The following RABEP1 variants were observed in gnomAD, a reference collection of about 807,000 sequenced individuals.
RABEP1 encodes rabaptin, RAB GTPase binding effector protein 1.
RABEP1 carries 51 observed loss-of-function variants against 123.4 expected under a neutral mutation model. The observed-to-expected ratio is 0.41, with a 90% CI of 0.33 to 0.52. RABEP1 has a LOEUF of 0.52. Among genes scored for constraint, RABEP1 ranks in the 20% least tolerant of loss-of-function variants. RABEP1 has a pLI of 0.16. For synonymous variants in RABEP1, 347 were observed against 355.2 expected, an observed-to-expected ratio of 0.98 and a Z score of 0.26; for missense variants, 888 against 996.3, an observed-to-expected ratio of 0.89 and a Z score of 1.46.
At chr17:5,324,239 C>T (rs753396305) in intron 2 of RABEP1, among the ~76,000 whole-genome samples, 5 of 152,092 alleles carry the variant, frequency 3.3e-5, no homozygotes, top group South Asian at 2.1e-4. Flanking sequence ...AAAACTGACA[C>T]GTAGACTAAT....
chr17:5,368,260 A>T, intron 11 of RABEP1, 110 bp from the exon 12 acceptor site: 1 of 750,470 alleles, frequency 1.3e-6, no homozygotes. Flanking sequence ...AGTGGTTCCC[A>T]TGAACAAATA....
chr17:5,368,813 A>G (rs1910298677), intron 12 of RABEP1, among the ~76,000 whole-genome samples: 1 of 152,222 alleles, frequency 6.6e-6, no homozygotes, highest in African/African-American at 2.4e-5. Context: ...GCTTTTGACC[A>G]GTCATTTTGT....
intron 13 of RABEP1, among the ~76,000 whole-genome samples, chr17:5,373,838 C>T (rs1236244721): frequency 2.0e-5 from 3 of 152,108 alleles, no homozygotes. Flanking sequence ...TTTCCCTATT[C>T]TGGACTTTCC....
chr17:5,283,232 T>C (rs1166111867), intron 1 of RABEP1, among the ~76,000 whole-genome samples: 1 of 152,042 alleles, frequency 6.6e-6, no homozygotes, highest in African/African-American at 2.4e-5. Context: ...ATGGAGGTAT[T>C]AGGAATAATG....
At chr17:5,373,802 A>G (rs1382986480) in intron 13 of RABEP1, among the ~76,000 whole-genome samples, 1 of 151,812 alleles carries the variant, frequency 6.6e-6, no homozygotes, top group African/African-American at 2.4e-5. Flanking sequence ...GCCTTAAGCA[A>G]CTACTAACCT....
chr17:5,379,072 A>C (rs1032622408), intron 15 of RABEP1, among the ~76,000 whole-genome samples: 28 of 152,078 alleles, frequency 1.8e-4, no homozygotes, highest in African/African-American at 6.8e-4. Context: ...AGTGTTCCTC[A>C]TGCAGCCTTT....
In RABEP1 at chr17:5,362,819, A is replaced by G. The variant is rs141077372; in HGVS notation, c.1564-93A>G. 1.8e-5 allele frequency: 15 copies of G among 813,190 alleles called. No individual in the cohort carries two copies. The African/African-American group carries it at 1.9e-4, about 10-fold the overall frequency. 50.4% of individuals were successfully genotyped at this position (813,190 alleles called of 1,614,324 possible). ...GAAGAAAGTGTTTACTGCATGTTCT[A>G]CTGACTACCATTGGTAAGACTATGC... On this transcript the variant is annotated intron_variant, in intron 9 of 17. Coordinates refer to ENST00000537505, the MANE Select transcript of RABEP1 (RefSeq NM_004703.6).
chr17:5,322,228 C>G (rs1406915865), intron 2 of RABEP1, among the ~76,000 whole-genome samples: 1 of 151,768 alleles, frequency 6.6e-6, no homozygotes, highest in Non-Finnish European at 1.5e-5. Context: ...CATGGTGGTA[C>G]ATGCTTGTAG....
At chr17:5,326,841 C>T (rs970453145) in intron 2 of RABEP1, among the ~76,000 whole-genome samples, 4 of 152,122 alleles carry the variant, frequency 2.6e-5, no homozygotes, top group Non-Finnish European at 4.4e-5. Flanking sequence ...TGCATTGCTT[C>T]GTGATGGCGA....
At chr17:5,283,180 A>T (rs1222318701) in intron 1 of RABEP1, among the ~76,000 whole-genome samples, 1 of 152,128 alleles carries the variant, frequency 6.6e-6, no homozygotes, top group Non-Finnish European at 1.5e-5. Flanking sequence ...TATTTTATCT[A>T]TAAAAATAGC....
chr17:5,372,438 G>A (rs911365840), intron 12 of RABEP1, among the ~76,000 whole-genome samples: 4 of 152,252 alleles, frequency 2.6e-5, no homozygotes, highest in Admixed American at 1.3e-4. Context: ...GCTACAGAGC[G>A]AGACTGTCTC....
At chr17:5,362,476 G>T (rs1050744278) in intron 9 of RABEP1, among the ~76,000 whole-genome samples, 3 of 152,228 alleles carry the variant, frequency 2.0e-5, no homozygotes, top group African/African-American at 7.2e-5. Flanking sequence ...AGGCCTGAAA[G>T]AAACTATTCT....
At chr17:5,328,323 A>G (rs55947703) in intron 2 of RABEP1, among the ~76,000 whole-genome samples, 20,647 of 152,038 alleles carry the variant, frequency 0.14, 1,459 homozygotes, top group East Asian at 0.18. Flanking sequence ...TATTGTTTCT[A>G]TGCTTGAAGT....
chr17:5,377,275 C>T lies in RABEP1; in HGVS notation c.2185C>T (p.Leu729=). ...LKENLEETLQ[L]EIENCKEEIA... ...AGAAAATCTTGAAGAAACTCTGCAA[C>T]TAGAAATAGAAAACTGCAAGGAGGA... Residue 729 remains leucine, a synonymous_variant, in exon 14 of 18, where the codon CTA becomes TTA. Transcript: ENST00000537505. 1 of 1,587,308 alleles carries T rather than the reference C, an allele frequency of 6.3e-7. No homozygotes were observed. The highest frequency in any genetic ancestry group is 8.5e-7 in the Non-Finnish European group (1 of 1,173,356).
At chr17:5,356,065 A>C (rs941870962) in intron 8 of RABEP1, among the ~76,000 whole-genome samples, 2 of 152,212 alleles carry the variant, frequency 1.3e-5, no homozygotes, top group African/African-American at 2.4e-5. Context: ...AGATCCGTAG[A>C]CTTTCAGAGC....
At chr17:5,378,058 C>T (rs1473411068) in intron 14 of RABEP1, 119 bp from the exon 15 acceptor site, 13 of 716,490 alleles carry the variant, frequency 1.8e-5, no homozygotes, top group South Asian at 7.8e-5. Context: ...AGACAGCCCC[C>T]GGAACCCATG....
chr17:5,300,271 G>T (rs1178224168), intron 1 of RABEP1, among the ~76,000 whole-genome samples: 1 of 152,120 alleles, frequency 6.6e-6, no homozygotes, highest in Admixed American at 6.5e-5. Flanking sequence ...CTGTGACTTT[G>T]GTTTGATGAT....
Position 5,384,614 on chromosome 17 carries a change from T to C in RABEP1, c.*1391T>C, listed in dbSNP as rs757963448. On this transcript the variant is annotated 3_prime_UTR_variant, in exon 18 of 18. Coordinates refer to ENST00000537505, the MANE Select transcript of RABEP1 (RefSeq NM_004703.6). ...TCACTATGGACTTACCCTAAAGATC[T>C]TCTGTACTTCTGTCTTCCATAGGAC... is the stretch of plus-strand genomic sequence containing the variant. 4.7e-6 allele frequency: 1 copy of C among 214,726 alleles called. No homozygotes were observed. Among genetic ancestry groups the C allele is most frequent in the African/African-American group, 2.3e-5 (1 of 44,354 alleles). 13.3% of individuals were successfully genotyped at this position (214,726 alleles called of 1,614,324 possible). A position where few individuals can be genotyped will look rare whatever the true frequency, so the allele number is the denominator to read the frequency against.
chr17:5,351,397 G>T (rs1055723155), intron 7 of RABEP1, among the ~76,000 whole-genome samples: 1 of 152,156 alleles, frequency 6.6e-6, no homozygotes, highest in African/African-American at 2.4e-5. Flanking sequence ...CTTGTCAGAA[G>T]ATTGTTTTAC....
Sources: allele counts gnomAD v4.1 joint callset (sites outside exome capture counted in the v4.1 genomes callset), GRCh38; gene constraint gnomAD v4.1.1; transcripts MANE v1.5; gene names NCBI Gene and HGNC (gene_info 2026-07-23, HGNC 2026-07-21).